CNTN5: variants seen among roughly 807,000 people sequenced by gnomAD.
The protein encoded by CNTN5 is contactin-5.
CNTN5 carries 77 observed loss-of-function variants against 129.1 expected under a neutral mutation model. The ratio of observed to expected loss-of-function variants is 0.60; its 90% CI spans 0.50 to 0.72. The LOEUF (loss-of-function observed/expected upper bound fraction) is 0.72, where lower values mean the gene tolerates loss of function less well. CNTN5 is among the 30% of genes least tolerant of loss of function. The pLI is 0.00. For synonymous variants in CNTN5, 509 were observed against 465.6 expected (o/e 1.09, Z -1.20); for missense variants, 1,478 against 1,328.8 (o/e 1.11, Z -1.75).
chr11:100,247,292 T>G (rs10894660), intron 16 of CNTN5, among the ~76,000 whole-genome samples: 2 of 151,894 alleles, frequency 1.3e-5, no homozygotes, highest in Admixed American at 6.6e-5. Flanking sequence ...AACAGATGAA[T>G]AGACAGATAA....
chr11:99,146,617 T>A (rs1256596942), intron 1 of CNTN5, among the ~76,000 whole-genome samples: 1 of 152,204 alleles, frequency 6.6e-6, no homozygotes, highest in Non-Finnish European at 1.5e-5. Context: ...ATGAACATTT[T>A]CAGGGGAAAA....
chr11:99,393,805 A>C (rs888689240), intron 2 of CNTN5, among the ~76,000 whole-genome samples: 6 of 151,792 alleles, frequency 4.0e-5, no homozygotes, highest in African/African-American at 1.4e-4. Flanking sequence ...TAGAAACAAA[A>C]CAATGTGGGA....
chr11:99,810,217 G>A (rs888274725), intron 3 of CNTN5, among the ~76,000 whole-genome samples: 1 of 152,000 alleles, frequency 6.6e-6, no homozygotes, highest in Non-Finnish European at 1.5e-5. Context: ...ATACAACTAA[G>A]AATTTACTAT....
At chr11:99,850,241 T>C (rs1947830452) in intron 6 of CNTN5, among the ~76,000 whole-genome samples, 2 of 152,108 alleles carry the variant, frequency 1.3e-5, no homozygotes, top group African/African-American at 4.8e-5. Flanking sequence ...AACCTTTTCC[T>C]CATAATTTAT....
In CNTN5 at chr11:99,455,318, A is replaced by G. The variant is rs79974729; in HGVS notation, c.-70-100827A>G. Among the ~76,000 whole-genome samples, 31 of 152,318 alleles carry G rather than the reference A, an allele frequency of 2.0e-4. No individual in the cohort carries two copies. The South Asian group carries it at 2.7e-3, about 13-fold the overall frequency. On this transcript the variant is annotated intron_variant, in intron 2 of 24. Transcript: ENST00000524871. Reference sequence around the variant, plus strand: ...TGTCCAATCCCAAATAATTTTAGATATTGGGATAACCATTAACAGTATATA... The same window carrying G: ...TGTCCAATCCCAAATAATTTTAGATGTTGGGATAACCATTAACAGTATATA...
chr11:99,091,743 G>T (rs940686059), intron 1 of CNTN5, among the ~76,000 whole-genome samples: 2 of 152,164 alleles, frequency 1.3e-5, no homozygotes, highest in Non-Finnish European at 2.9e-5. Context: ...TTAGCTAAAG[G>T]CTGGTTGGCA....
At position 100,153,231 on chromosome 11, in the gene CNTN5, T is replaced by C. The variant is rs184480446; in HGVS notation, c.1581-37895T>C. On this transcript the variant is annotated intron_variant, in intron 13 of 24. Coordinates refer to ENST00000524871, the MANE Select transcript of CNTN5 (RefSeq NM_014361.4). Reference sequence around the variant, plus strand: ...TTTTTGTTGTCACAGGATTGCATCATTAACATTATTAGTAAACCTGCGCAA... The same window carrying C: ...TTTTTGTTGTCACAGGATTGCATCACTAACATTATTAGTAAACCTGCGCAA... Among the ~76,000 whole-genome samples, 12 of 152,268 alleles carry C rather than the reference T, an allele frequency of 7.9e-5. No individual in the cohort carries two copies. The East Asian group carries it at 1.7e-3, about 22-fold the overall frequency.
intron 8 of CNTN5, among the ~76,000 whole-genome samples, chr11:100,000,170 AAAT>A (rs1939768259): frequency 6.7e-6 from 1 of 150,216 alleles, no homozygotes. Context: ...TAATAAAAAT[AAAT>A]AAATAAATAA....
rs576020766 is a variant in CNTN5 at position 99,785,699 on chromosome 11, T to C, written c.56-33845T>C. Among the ~76,000 whole-genome samples the C allele has an allele frequency of 3.9e-5, 6 of 152,160 alleles. No individual in the cohort carries two copies. In the East Asian group the frequency reaches 5.8e-4, roughly 15 times the overall value. ...TGGGTTACAAGACTGGTTCAACATA[T>C]ACAAATCAATAAACATAATCTATCA... On this transcript the variant is annotated intron_variant, in intron 3 of 24. Transcript: ENST00000524871.
At chr11:99,818,996 A>G (rs1428084284) in intron 3 of CNTN5, among the ~76,000 whole-genome samples, 1 of 152,056 alleles carries the variant, frequency 6.6e-6, no homozygotes, top group Non-Finnish European at 1.5e-5. Context: ...CATGTGCTAC[A>G]TTGAACACAC....
chr11:99,164,740 T>A (rs548433799), intron 1 of CNTN5, among the ~76,000 whole-genome samples: 6 of 152,354 alleles, frequency 3.9e-5, no homozygotes, highest in Middle Eastern at 3.4e-3. Flanking sequence ...TAATTGTCAT[T>A]TTTTCAGACA....
At chr11:99,641,070 A>G (rs687007) in intron 3 of CNTN5, among the ~76,000 whole-genome samples, 91,408 of 152,052 alleles carry the variant, frequency 0.6, 28,313 homozygotes, top group Admixed American at 0.69. Context: ...TGAAGTAAGT[A>G]CACTTAAGGA....
intron 8 of CNTN5, among the ~76,000 whole-genome samples, chr11:99,963,175 T>A (rs947395548): frequency 6.6e-6 from 1 of 152,224 alleles, no homozygotes. Context: ...AGATCCCATT[T>A]GTCAATTTTG....
intron 13 of CNTN5, among the ~76,000 whole-genome samples, chr11:100,080,258 A>C (rs189632256): frequency 6.6e-6 from 1 of 152,154 alleles, no homozygotes; most frequent in Admixed American, 6.6e-5. Flanking sequence ...CCTGCATACA[A>C]AAAAAATAAA....
chr11:99,545,751 T>A (rs1208245431), intron 2 of CNTN5, among the ~76,000 whole-genome samples: 2 of 152,202 alleles, frequency 1.3e-5, no homozygotes, highest in South Asian at 2.1e-4. Context: ...TCGACTTACT[T>A]GTTCATGCAG....
chr11:99,466,493 T>A (rs2135257196), intron 2 of CNTN5, among the ~76,000 whole-genome samples: 1 of 152,356 alleles, frequency 6.6e-6, no homozygotes, highest in East Asian at 1.9e-4. Flanking sequence ...CTTTGATTTT[T>A]ATATGGTTTC....
At chr11:100,073,816 CTCTG>C (rs1944022611) in intron 12 of CNTN5, among the ~76,000 whole-genome samples, 3 of 152,106 alleles carry the variant, frequency 2.0e-5, no homozygotes, top group African/African-American at 7.2e-5. Flanking sequence ...GTCAAATGGA[CTCTG>C]TCAGTTAGCC....
intron 3 of CNTN5, among the ~76,000 whole-genome samples, chr11:99,754,880 G>T (rs1046341874): frequency 6.6e-6 from 1 of 152,096 alleles, no homozygotes; most frequent in African/African-American, 2.4e-5. Flanking sequence ...ATGCAGAGTA[G>T]TTTTAATGCC....
intron 3 of CNTN5, among the ~76,000 whole-genome samples, chr11:99,682,926 C>T (rs1467909716): frequency 6.6e-6 from 1 of 151,872 alleles, no homozygotes; most frequent in Non-Finnish European, 1.5e-5. Flanking sequence ...TACAACCACA[C>T]ACATACAGAA....
Sources: allele counts gnomAD v4.1 joint callset (sites outside exome capture counted in the v4.1 genomes callset), GRCh38; gene constraint gnomAD v4.1.1; transcripts MANE v1.5; gene names NCBI Gene and HGNC (gene_info 2026-07-23, HGNC 2026-07-21).